Variants in FAM47E observed in about 807,000 individuals in gnomAD.
FAM47E encodes protein FAM47E.
In FAM47E, 32 loss-of-function variants were observed where a neutral mutation model predicts 41.6. That is an observed-to-expected ratio of 0.77 (90% CI 0.58 to 1.03). The LOEUF (loss-of-function observed/expected upper bound fraction) is 1.03. FAM47E is among the 50% of genes least tolerant of loss of function. The pLI is 0.00. For missense variants in FAM47E, 424 were observed against 485.4 expected, an observed-to-expected ratio of 0.87 and a Z score of 1.19; for synonymous variants, 184 against 188.7, an observed-to-expected ratio of 0.98 and a Z score of 0.20.
At chr4:76,256,631 G>A (rs957484120) in intron 2 of FAM47E, 108 bp downstream of exon 2, 3 of 1,307,398 alleles carry the variant, frequency 2.3e-6, no homozygotes, top group East Asian at 5.1e-5. Flanking sequence ...TATAAGAGGA[G>A]TGATGAATGT....
chr4:76,219,875 T>G (rs1733279199), intron 2 of FAM47E, among the ~76,000 whole-genome samples: 1 of 152,150 alleles, frequency 6.6e-6, no homozygotes, highest in South Asian at 2.1e-4. Context: ...CCTAGAAGCC[T>G]CCTATACTCA....
At chr4:76,262,729 T>G (rs1560745913) in intron 2 of FAM47E, among the ~76,000 whole-genome samples, 1 of 152,176 alleles carries the variant, frequency 6.6e-6, no homozygotes, top group Non-Finnish European at 1.5e-5. Flanking sequence ...GTTCTTTGGG[T>G]AACTGCACAT....
intron 2 of FAM47E, among the ~76,000 whole-genome samples, chr4:76,235,282 C>G (rs1163853789): frequency 2.0e-5 from 3 of 152,166 alleles, no homozygotes; most frequent in Non-Finnish European, 4.4e-5. Context: ...CGCACCGCTG[C>G]ACTCCAGCCT....
At chr4:76,270,117 C>A (rs1734824091) in intron 4 of FAM47E, among the ~76,000 whole-genome samples, 1 of 152,210 alleles carries the variant, frequency 6.6e-6, no homozygotes, top group Admixed American at 6.5e-5. Flanking sequence ...ACTTCAGGCA[C>A]AGCTGGATCC....
intron 4 of FAM47E, chr4:76,268,985 G>C (rs1403873128): frequency 3.7e-6 from 2 of 540,280 alleles, no homozygotes; most frequent in Non-Finnish European, 6.0e-6. Flanking sequence ...TTCTGGAAAG[G>C]TTGCAAACTT....
chr4:76,260,010 A>T (rs1187040412), intron 2 of FAM47E, among the ~76,000 whole-genome samples: 1 of 152,188 alleles, frequency 6.6e-6, no homozygotes, highest in Non-Finnish European at 1.5e-5. Context: ...TAATGAAGGA[A>T]GTGAAAGACC....
Position 76,256,239 on chromosome 4 carries a change from G to A in FAM47E, c.136G>A (p.Val46Ile). ...FPTSLHSRQL[V>I]FPRKGLDDFR... The stretch of plus-strand genomic sequence containing the variant: ...CACCTCTCTGCACAGCCGGCAGTTG[G>A]TATTTCCAAGAAAGGGGCTGGACGA... The change falls in exon 2 of 8, where the codon GTA becomes ATA. Residue 46 changes from valine (V) to isoleucine (I), a missense_variant. Val to Ile is a conservative substitution (Grantham distance 29, BLOSUM62 3). Transcript: ENST00000424749. 6.4e-7 allele frequency: 1 copy of A among 1,551,692 alleles called. No homozygotes were observed. Among genetic ancestry groups the A allele is most frequent in the Non-Finnish European group, 8.7e-7 (1 of 1,146,992 alleles).
intron 2 of FAM47E, among the ~76,000 whole-genome samples, chr4:76,238,725 ATTGTTTATTTACCACAATTTT>A (rs1406648377): frequency 6.6e-6 from 1 of 152,146 alleles, no homozygotes; most frequent in African/African-American, 2.4e-5. Context: ...AAAAAACTTT[ATTGTTTATTTACCACAATTTT>A]TAATTGTGGT....
chr4:76,259,513 T>G (rs1222287737), intron 2 of FAM47E, among the ~76,000 whole-genome samples: 4 of 152,196 alleles, frequency 2.6e-5, no homozygotes, highest in African/African-American at 9.6e-5. Flanking sequence ...CTTATCTACT[T>G]CTTTATATAT....
intron 1 of FAM47E, among the ~76,000 whole-genome samples, chr4:76,253,989 C>T (rs1734081154): frequency 6.6e-6 from 1 of 151,706 alleles, no homozygotes; most frequent in African/African-American, 2.4e-5. Context: ...AGGCATGGTG[C>T]CGCACACCTG....
chr4:76,260,540 T>C (rs1157582184), intron 2 of FAM47E, among the ~76,000 whole-genome samples: 2 of 149,914 alleles, frequency 1.3e-5, no homozygotes, highest in African/African-American at 2.4e-5. Context: ...TGTCCCCATC[T>C]CTCACCATAT....
rs578009899 is a variant in FAM47E at position 76,251,751 on chromosome 4, C to G, written c.5C>G (p.Ala2Gly). 1.1e-4 allele frequency: 162 copies of G among 1,483,106 alleles called. No homozygotes were observed. The highest frequency in any genetic ancestry group is 5.8e-4 in the Middle Eastern group (3 of 5,146). The allele number at this position is 1,483,106 out of a possible 1,614,324, so 91.9% of individuals were successfully genotyped here. Residue 2 changes from alanine to glycine, a missense_variant, in exon 1 of 8, where the codon GCG becomes GGG. Ala to Gly is a moderately conservative substitution (Grantham distance 60, BLOSUM62 0). Coordinates refer to ENST00000424749, the MANE Select transcript of FAM47E (RefSeq NM_001136570.3). The stretch of plus-strand genomic sequence containing the variant: ...GGCCGCGAAGCTAGGGCCACCATGG[C>G]GGACCGCAGGCGGCGGCTCCGGCCG... The part of the protein sequence containing the change: M[A>G]DRRRRLRPGT...
chr4:76,232,015 C>A (rs1157552067), intron 2 of FAM47E, among the ~76,000 whole-genome samples: 1 of 152,186 alleles, frequency 6.6e-6, no homozygotes. Context: ...TCCTATTGCA[C>A]TGATGTAAAC....
chr4:76,275,179 C>G (rs982294620), intron 5 of FAM47E, among the ~76,000 whole-genome samples: 10 of 152,146 alleles, frequency 6.6e-5, no homozygotes, highest in African/African-American at 2.2e-4. Flanking sequence ...ACTCCACATA[C>G]CCTCAGGCCT....
upstream of FAM47E, among the ~76,000 whole-genome samples, chr4:76,248,200 C>T (rs1365931251): frequency 2.0e-5 from 3 of 151,956 alleles, no homozygotes; most frequent in East Asian, 5.8e-4. Flanking sequence ...AGGTGTGAGC[C>T]ACCGCGCCTG....
At chr4:76,232,426 G>A (rs189607808) in intron 2 of FAM47E, among the ~76,000 whole-genome samples, 209 of 152,254 alleles carry the variant, frequency 1.4e-3, no homozygotes, top group Non-Finnish European at 2.4e-3. Context: ...TCTTGAAAAG[G>A]ATTAAAACAA....
intron 2 of FAM47E, among the ~76,000 whole-genome samples, chr4:76,237,147 G>A (rs1191463004): frequency 9.2e-5 from 14 of 151,946 alleles, no homozygotes; most frequent in Admixed American, 1.3e-4. Context: ...CACCCGCCCC[G>A]GCCTCCCAAA....
intron 2 of FAM47E, among the ~76,000 whole-genome samples, chr4:76,232,602 C>T (rs879371495): frequency 6.6e-6 from 1 of 152,130 alleles, no homozygotes; most frequent in Non-Finnish European, 1.5e-5. Context: ...AAGTCCCATA[C>T]AGTTTTGGAA....
At chr4:76,259,864 A>AGG (rs60636756) in intron 2 of FAM47E, among the ~76,000 whole-genome samples, 3,029 of 152,310 alleles carry the variant, frequency 0.02, 119 homozygotes, top group African/African-American at 0.069. Context: ...ACTTCAGTAA[A>AGG]GTTTCAGAAT....
Sources: gnomAD v4.1 joint callset for allele counts (sites outside exome capture counted in the v4.1 genomes callset) on GRCh38, gnomAD v4.1.1 for gene constraint, MANE v1.5 for transcripts, NCBI Gene and HGNC (gene_info 2026-07-23, HGNC 2026-07-21) for gene names.